Variants in ZNF605 observed in about 807,000 individuals in gnomAD.
ZNF605 encodes the protein zinc finger protein 605.
ZNF605 carries 9 observed loss-of-function variants against 7.9 expected under a neutral mutation model. That is an observed-to-expected ratio of 1.14 (90% CI 0.68 to 1.98). The LOEUF (loss-of-function observed/expected upper bound fraction) is 1.98, where lower values mean the gene tolerates loss of function less well. Among genes scored for constraint, ZNF605 ranks in the 30% most tolerant of loss-of-function variants. The pLI, the probability that ZNF605 is intolerant of heterozygous loss-of-function variation, is 0.00. For synonymous variants in ZNF605, 255 were observed against 260.1 expected (o/e 0.98, Z 0.19); for missense variants, 673 against 762.4 (o/e 0.88, Z 1.38).
chr12:132,926,303 T>C lies in ZNF605; in HGVS notation c.996A>G (p.Thr332=), dbSNP rs1323955627. Reference sequence around the variant, plus strand: ...CACCACATCCGTAAGGTTTCTTCCCTGTGTGGGTCCTCTGATGAGTAATCA... The same window carrying C: ...CACCACATCCGTAAGGTTTCTTCCCCGTGTGGGTCCTCTGATGAGTAATCA... ...SQLITHQRTH[T]GKKPYGCGEC... is the part of the protein sequence containing the mutation. Residue 332 remains threonine, a synonymous_variant, in exon 5 of 5, where the codon ACA becomes ACG. Transcript: ENST00000360187. 91 of 1,614,052 alleles carry C rather than the reference T, an allele frequency of 5.6e-5. No homozygotes were observed. Among genetic ancestry groups the C allele is most frequent in the Non-Finnish European group, 7.5e-5 (89 of 1,180,018 alleles).
At position 132,930,442 on chromosome 12, in the gene ZNF605, T is replaced by G. The variant is rs556657274; in HGVS notation, c.136+2593A>C. On this transcript the variant is annotated intron_variant, in intron 4 of 4. Transcript: ENST00000360187. ...CTTACTCGTGTCTCTCCCAGTAGAA[T>G]GTAAACTGTATGAGTGTAGGGAACA... Among the ~76,000 whole-genome samples, 26 of 152,362 alleles carry G rather than the reference T, an allele frequency of 1.7e-4. No individual in the cohort carries two copies. In the South Asian group the frequency reaches 4.6e-3, roughly 27 times the overall value.
rs1053705836 is a variant in ZNF605, at chr12:132,923,966, A to AC, written c.*1406dup. 1 of 151,788 alleles carries AC rather than the reference A, an allele frequency of 6.6e-6. No individual in the cohort carries two copies. The highest frequency in any genetic ancestry group is 1.5e-5 in the Non-Finnish European group (1 of 67,982). The allele number at this position is 151,788 out of a possible 1,614,324, so 9.4% of individuals were successfully genotyped here. Reference sequence around the variant, plus strand: ...TTCTTTTTCTGTATCTAATCTCTCCACTCGGGATTTTAACAAAATCAGAAG... The same window carrying AC: ...TTCTTTTTCTGTATCTAATCTCTCCACCTCGGGATTTTAACAAAATCAGAAG... On this transcript the variant is annotated 3_prime_UTR_variant, in exon 5 of 5. Coordinates refer to ENST00000360187, the MANE Select transcript of ZNF605 (RefSeq NM_183238.4).
intron 1 of ZNF605, among the ~76,000 whole-genome samples, chr12:132,951,612 C>T (rs970723557): frequency 4.1e-5 from 6 of 146,544 alleles, no homozygotes; most frequent in Non-Finnish European, 8.9e-5. Flanking sequence ...CAGATACACA[C>T]GTTCGTATCA....
chr12:132,943,538 G>T (rs2137152863), intron 3 of ZNF605, among the ~76,000 whole-genome samples: 1 of 152,166 alleles, frequency 6.6e-6, no homozygotes, highest in South Asian at 2.1e-4. Flanking sequence ...TCACACATTT[G>T]CCCTTCTTAC....
In ZNF605 at chr12:132,933,773, CA is replaced by C. The variant is rs1262175724; in HGVS notation, c.16-619del. ...GAAGGAATGTTTTAAAAATATTTAT[CA>C]TTGTGAATTCATTCATCCATGTACC... On this transcript the variant is annotated intron_variant, in intron 3 of 4. Transcript: ENST00000360187. The surrounding 1 kb of genome is among the most constrained non-coding windows in gnomAD (Gnocchi z 4.4). Among the ~76,000 whole-genome samples the C allele has an allele frequency of 6.6e-6, 1 of 152,166 alleles. No homozygotes were observed. The highest frequency in any genetic ancestry group is 1.5e-5 in the Non-Finnish European group (1 of 68,042).
Position 132,923,807 on chromosome 12 carries a change from G to A in ZNF605, c.*1566C>T, listed in dbSNP as rs570023758. ...CCTCTTCATTTTCTCCTCTCCTTCT[G>A]GGACTCCAGTTAAACATATATTACA... On this transcript the variant is annotated 3_prime_UTR_variant, in exon 5 of 5. Coordinates refer to ENST00000360187, the MANE Select transcript of ZNF605 (RefSeq NM_183238.4). The A allele has an allele frequency of 9.9e-5, 15 of 151,950 alleles. No individual in the cohort carries two copies. The highest frequency in any genetic ancestry group is 3.4e-4 in the African/African-American group (14 of 41,442). The allele number at this position is 151,950 out of a possible 1,614,324, so 9.4% of individuals were successfully genotyped here.
intron 3 of ZNF605, among the ~76,000 whole-genome samples, chr12:132,940,294 CT>C (rs1290049166): frequency 6.6e-6 from 1 of 152,210 alleles, no homozygotes; most frequent in East Asian, 1.9e-4. Flanking sequence ...TCTGTCCCGA[CT>C]GTGATGTTGA....
chr12:132,943,977 C>A (rs1237844968), intron 3 of ZNF605, among the ~76,000 whole-genome samples: 1 of 152,168 alleles, frequency 6.6e-6, no homozygotes, highest in Non-Finnish European at 1.5e-5. Flanking sequence ...GTCCTGATGT[C>A]CCCATGTCTT....
At position 132,925,027 on chromosome 12, in the gene ZNF605, T is replaced by G. The variant is rs1438146128; in HGVS notation, c.*346A>C. 1.1e-5 allele frequency: 2 copies of G among 189,940 alleles called. No homozygotes were observed. The highest frequency in any genetic ancestry group is 2.1e-5 in the Non-Finnish European group (2 of 93,338). 11.8% of individuals were successfully genotyped at this position (189,940 alleles called of 1,614,324 possible). On this transcript the variant is annotated 3_prime_UTR_variant, in exon 5 of 5. Transcript: ENST00000360187. ...TCCTTTCTTGAAATCTTCCACTTTG[T>G]TATAAAAAACAATAGAATTTTCTTC...
At chr12:132,955,334 G>C (rs1218355968) in intron 1 of ZNF605, among the ~76,000 whole-genome samples, 2 of 152,202 alleles carry the variant, frequency 1.3e-5, no homozygotes, top group Non-Finnish European at 1.5e-5. Context: ...GTTCTCAGGC[G>C]AGGCTGCGTG....
rs970374669 is a variant in ZNF605, at chr12:132,941,785, G to A, written c.15+3836C>T. Reference sequence around the variant, plus strand: ...TCTTCTCCGGGCTGCCCTCCGTCACGCGCCCTTTTCCAGGCTGCCCTCTGT... The same window carrying A: ...TCTTCTCCGGGCTGCCCTCCGTCACACGCCCTTTTCCAGGCTGCCCTCTGT... On this transcript the variant is annotated intron_variant, in intron 3 of 4. Coordinates refer to ENST00000360187, the MANE Select transcript of ZNF605 (RefSeq NM_183238.4). This position sits in a 1 kb window ranked among gnomAD's most constrained non-coding sequence, Gnocchi z 5.1. Among the ~76,000 whole-genome samples, 8 of 151,318 alleles carry A rather than the reference G, an allele frequency of 5.3e-5. No homozygotes were observed. Among genetic ancestry groups the A allele is most frequent in the Admixed American group, 1.3e-4 (2 of 15,164 alleles).
intron 4 of ZNF605, among the ~76,000 whole-genome samples, chr12:132,931,729 C>T (rs1353340900): frequency 1.3e-5 from 2 of 152,102 alleles, no homozygotes; most frequent in Non-Finnish European, 1.5e-5. Flanking sequence ...GATTCTTCAA[C>T]AAAAACGGAG....
intron 1 of ZNF605, among the ~76,000 whole-genome samples, chr12:132,950,515 GCA>G (rs1211971367): frequency 0.013 from 2,004 of 151,024 alleles, 47 homozygotes; most frequent in African/African-American, 0.046. Flanking sequence ...GCGCAGACAT[GCA>G]CACACACAGA....
chr12:132,934,988 T>C (rs1952348927), intron 3 of ZNF605, among the ~76,000 whole-genome samples: 2 of 152,142 alleles, frequency 1.3e-5, no homozygotes, highest in African/African-American at 4.8e-5. Context: ...GGCAGCAGCA[T>C]GAGCAAAGAC....
chr12:132,945,406 C>G (rs980876557), intron 3 of ZNF605: 1 of 1,412,056 alleles, frequency 7.1e-7, no homozygotes, highest in Non-Finnish European at 9.9e-7. Context: ...ACCCACAAAA[C>G]AGAGGATAAA....
intron 3 of ZNF605, among the ~76,000 whole-genome samples, chr12:132,942,355 G>A (rs1164680158): frequency 3.3e-5 from 5 of 152,140 alleles, no homozygotes; most frequent in South Asian, 2.1e-4. Flanking sequence ...CCCACACCTC[G>A]GCTTCCTCAC....
chr12:132,926,557 T>C lies in ZNF605; in HGVS notation c.742A>G (p.Thr248Ala), dbSNP rs1287490078. Reference protein sequence around the residue: ...SLLILHQRIHTGEKPYGCSEC... With the variant: ...SLLILHQRIHAGEKPYGCSEC... ...CTGCATCCATACGGCTTCTCTCCAG[T>C]ATGAATTCTCTGATGTAAAATGAGG... Residue 248 changes from threonine (T) to alanine (A), a missense_variant, in exon 5 of 5, where the codon ACT (threonine) becomes GCT (alanine). By Grantham distance (58) the Thr-to-Ala change is moderately conservative. Transcript: ENST00000360187. 53 of 1,614,114 alleles carry C rather than the reference T, an allele frequency of 3.3e-5. No homozygotes were observed. Among genetic ancestry groups the C allele is most frequent in the Non-Finnish European group, 4.4e-5 (52 of 1,180,050 alleles).
intron 3 of ZNF605, among the ~76,000 whole-genome samples, chr12:132,935,398 G>A (rs115034080): frequency 0.03 from 4,608 of 152,206 alleles, 228 homozygotes; most frequent in African/African-American, 0.1. Context: ...ATGGGTGTGT[G>A]GGCTCAACTC....
At position 132,941,373 on chromosome 12, in the gene ZNF605, C is replaced by G. The variant is rs772012970; in HGVS notation, c.15+4248G>C. 1.3e-5 allele frequency among the ~76,000 whole-genome samples: 2 copies of G among 152,174 alleles called. No homozygotes were observed. The highest frequency in any genetic ancestry group is 3.2e-3 in the Middle Eastern group (1 of 316). On this transcript the variant is annotated intron_variant, in intron 3 of 4. Transcript: ENST00000360187. The surrounding 1 kb of genome is among the most constrained non-coding windows in gnomAD (Gnocchi z 5.1). ...CCAGGTCAATCGGCCATGACATTCTCGGCAGGTAGATCAATGTTTCGCTGT... is the reference window on the plus strand; with the variant it reads ...CCAGGTCAATCGGCCATGACATTCTGGGCAGGTAGATCAATGTTTCGCTGT...
Sources: gnomAD v4.1 joint callset for allele counts (sites outside exome capture counted in the v4.1 genomes callset) on GRCh38, gnomAD v4.1.1 for gene constraint, Gnocchi (gnomAD v3.1) non-coding constraint, MANE v1.5 for transcripts, NCBI Gene and HGNC (gene_info 2026-07-23, HGNC 2026-07-21) for gene names.